PLEKHM2: variants seen among roughly 807,000 people sequenced by gnomAD.
PLEKHM2 encodes the protein pleckstrin homology domain-containing family M member 2.
In PLEKHM2, 77 loss-of-function variants were observed where a neutral mutation model predicts 116.3. That is an observed-to-expected ratio of 0.66 (90% CI 0.55 to 0.80). The LOEUF (loss-of-function observed/expected upper bound fraction) is 0.80, where lower values mean the gene tolerates loss of function less well. Ranked by LOEUF, PLEKHM2 falls within the 30% of genes least tolerant of loss-of-function variation. The probability of loss-of-function intolerance (pLI) is 0.00; values close to 1 mark genes in which losing one functional copy is unlikely to be tolerated. For synonymous variants in PLEKHM2, 562 were observed against 571.0 expected (o/e 0.98, Z 0.22); for missense variants, 1,183 against 1,354.9 (o/e 0.87, Z 1.99).
At chr1:15,705,164 A>C (rs547846900) in intron 1 of PLEKHM2, among the ~76,000 whole-genome samples, 24 of 132,036 alleles carry the variant, frequency 1.8e-4, no homozygotes, top group Admixed American at 6.9e-4. Flanking sequence ...GTCTCCACGT[A>C]GATATCTTTT....
chr1:15,711,060 A>T (rs1641321591), intron 1 of PLEKHM2, among the ~76,000 whole-genome samples: 1 of 151,808 alleles, frequency 6.6e-6, no homozygotes, highest in Non-Finnish European at 1.5e-5. Context: ...ATATATAAAG[A>T]TCTAAACATA....
intron 7 of PLEKHM2, 74 bp from the exon 8 acceptor site, chr1:15,725,243 C>A: frequency 9.2e-7 from 1 of 1,090,954 alleles, no homozygotes; most frequent in Non-Finnish European, 1.4e-6. Flanking sequence ...CCCTCCTGGG[C>A]TAACGCATGC....
intron 1 of PLEKHM2, among the ~76,000 whole-genome samples, chr1:15,711,731 C>T (rs1641335033): frequency 6.6e-6 from 1 of 151,958 alleles, no homozygotes; most frequent in Non-Finnish European, 1.5e-5. Flanking sequence ...AAAAATTTCT[C>T]AATAGGGCAA....
At position 15,684,553 on chromosome 1, in the gene PLEKHM2, A is replaced by G; in HGVS notation, c.-6A>G. On this transcript the variant is annotated 5_prime_UTR_variant, in exon 1 of 20. Transcript: ENST00000375799. ...CGGTGGCGGTGGCGGCGACGGTGGC[A>G]GCGCCATGGAGCCGGGGGAGGTGAA... The G allele has an allele frequency of 8.0e-7, 1 of 1,243,606 alleles. No homozygotes were observed. The highest frequency in any genetic ancestry group is 1.0e-6 in the Non-Finnish European group (1 of 977,192). The allele number at this position is 1,243,606 out of a possible 1,614,324, so 77.0% of individuals were successfully genotyped here.
At chr1:15,733,741 G>A in intron 19 of PLEKHM2, 56 bp from the exon 20 acceptor site, 1 of 1,578,828 alleles carries the variant, frequency 6.3e-7, no homozygotes, top group South Asian at 1.1e-5. Context: ...CACAAGCCCT[G>A]AAGACTCCTG....
chr1:15,716,377 C>A, intron 2 of PLEKHM2, 34 bp downstream of exon 2: 1 of 1,358,300 alleles, frequency 7.4e-7, no homozygotes, highest in Non-Finnish European at 1.0e-6. Flanking sequence ...GATGACGGAG[C>A]ACAACCCAGG....
chr1:15,704,402 G>A (rs996622382), intron 1 of PLEKHM2, among the ~76,000 whole-genome samples: 1 of 144,818 alleles, frequency 6.9e-6, no homozygotes, highest in Admixed American at 7.0e-5. Flanking sequence ...ATGGCATACC[G>A]AAGCCCCATG....
chr1:15,730,543 C>T lies in PLEKHM2; in HGVS notation c.2220C>T (p.Val740=), dbSNP rs1336974988. The change falls in exon 15 of 20, where the codon GTC becomes GTT. Residue 740 remains valine, a synonymous_variant. Coordinates refer to ENST00000375799, the MANE Select transcript of PLEKHM2 (RefSeq NM_015164.4). ...AQESKCEASA[V]TVRFYGLVHW... Reference sequence around the variant, plus strand: ...CGCCCCCGCATCAGGCATCTGCTGTCACCGTGCGCTTCTACGGCCTTGTGC... The same window carrying T: ...CGCCCCCGCATCAGGCATCTGCTGTTACCGTGCGCTTCTACGGCCTTGTGC... 9 of 1,585,228 alleles carry T rather than the reference C, an allele frequency of 5.7e-6. No homozygotes were observed. The highest frequency in any genetic ancestry group is 7.7e-6 in the Non-Finnish European group (9 of 1,166,252).
chr1:15,716,566 G>GT, intron 2 of PLEKHM2, 141 bp from the exon 3 acceptor site: 1 of 757,680 alleles, frequency 1.3e-6, no homozygotes, highest in Non-Finnish European at 2.2e-6. Flanking sequence ...ATGATATGAT[G>GT]GTGTGAAGGT....
Position 15,719,175 on chromosome 1 carries a change from C to T in PLEKHM2, c.465+550C>T, listed in dbSNP as rs564167523. Among the ~76,000 whole-genome samples the T allele has an allele frequency of 1.2e-4, 19 of 152,210 alleles. No homozygotes were observed. The South Asian group carries it at 1.9e-3, about 15-fold the overall frequency. On this transcript the variant is annotated intron_variant, in intron 5 of 19. Transcript: ENST00000375799. The surrounding 1 kb of genome is among the most constrained non-coding windows in gnomAD (Gnocchi z 4.1). Reference sequence around the variant, plus strand: ...ATCAAATGACCTTCCTTGGGCCAGGCGCAGTGGCTCACACCTATAATCCCA... The same window carrying T: ...ATCAAATGACCTTCCTTGGGCCAGGTGCAGTGGCTCACACCTATAATCCCA...
At chr1:15,702,256 AG>A (rs1209912226) in intron 1 of PLEKHM2, among the ~76,000 whole-genome samples, 1 of 152,100 alleles carries the variant, frequency 6.6e-6, no homozygotes, top group African/African-American at 2.4e-5. Context: ...TCGCCATGTG[AG>A]GGGCAGCCTC....
chr1:15,724,195 G>A (rs931548166), intron 7 of PLEKHM2, among the ~76,000 whole-genome samples: 1 of 152,206 alleles, frequency 6.6e-6, no homozygotes, highest in Non-Finnish European at 1.5e-5. Flanking sequence ...GAATGAAATG[G>A]AGTTCTCGGC....
At chr1:15,732,218 C>T (rs1571075939) in intron 17 of PLEKHM2, 132 bp from the exon 18 acceptor site, 2 of 966,056 alleles carry the variant, frequency 2.1e-6, no homozygotes, top group Non-Finnish European at 3.1e-6. Flanking sequence ...CCATCCCCGC[C>T]TCTGCTCCCG....
At chr1:15,713,626 G>GTT (rs1302555019) in intron 1 of PLEKHM2, among the ~76,000 whole-genome samples, 2 of 145,174 alleles carry the variant, frequency 1.4e-5, no homozygotes, top group Non-Finnish European at 3.0e-5. Flanking sequence ...TTTTTTGTTT[G>GTT]TTTGTTTGTT....
chr1:15,719,500 A>C lies in PLEKHM2; in HGVS notation c.466-234A>C, dbSNP rs553662254. Among the ~76,000 whole-genome samples the C allele has an allele frequency of 1.2e-3, 181 of 152,258 alleles. No homozygotes were observed. Among genetic ancestry groups the C allele is most frequent in the African/African-American group, 4.2e-3 (174 of 41,546 alleles). On this transcript the variant is annotated intron_variant, in intron 5 of 19. Transcript: ENST00000375799. The surrounding 1 kb of genome is among the most constrained non-coding windows in gnomAD (Gnocchi z 4.1). The stretch of plus-strand genomic sequence containing the variant: ...AGAGAGAGAGATAGCGGGGGCATCA[A>C]AGGGTGTAGCTGAGTTCTGACAGCT...
chr1:15,682,623 ACAAACAAAAC>A (rs1242044540), upstream of PLEKHM2, among the ~76,000 whole-genome samples: 13 of 147,822 alleles, frequency 8.8e-5, 1 homozygote, highest in African/African-American at 3.1e-4. Flanking sequence ...TGTCTCAAAA[ACAAACAAAAC>A]AAAACAAAAC....
chr1:15,692,902 G>T (rs902392551), intron 1 of PLEKHM2, among the ~76,000 whole-genome samples: 2 of 151,474 alleles, frequency 1.3e-5, no homozygotes, highest in African/African-American at 4.9e-5. Flanking sequence ...ACCATGCCCA[G>T]ATAATTTTGT....
chr1:15,719,324 C>T lies in PLEKHM2; in HGVS notation c.466-410C>T, dbSNP rs781381155. On this transcript the variant is annotated intron_variant, in intron 5 of 19. Coordinates refer to ENST00000375799, the MANE Select transcript of PLEKHM2 (RefSeq NM_015164.4). This position sits in a 1 kb window ranked among gnomAD's most constrained non-coding sequence, Gnocchi z 4.1. ...AAAGTTAGCGGGGTGTGGTGATGGG[C>T]GCCTATAATCTCAGCTACTTGGGAG... is the stretch of plus-strand genomic sequence containing the variant. Among the ~76,000 whole-genome samples, 3 of 152,042 alleles carry T rather than the reference C, an allele frequency of 2.0e-5. No individual in the cohort carries two copies. The highest frequency in any genetic ancestry group is 2.9e-5 in the Non-Finnish European group (2 of 68,012).
At chr1:15,686,648 A>ATT (rs1233033159) in intron 1 of PLEKHM2, among the ~76,000 whole-genome samples, 2,419 of 134,190 alleles carry the variant, frequency 0.018, 130 homozygotes, top group African/African-American at 0.068. Context: ...ACCCGGCTAA[A>ATT]TTTTTTTTTT....
Sources: allele counts gnomAD v4.1 joint callset (sites outside exome capture counted in the v4.1 genomes callset), GRCh38; gene constraint gnomAD v4.1.1; non-coding constraint Gnocchi (gnomAD v3.1); transcripts MANE v1.5; gene names NCBI Gene and HGNC (gene_info 2026-07-23, HGNC 2026-07-21).